SLC36A2: variants seen among roughly 807,000 people sequenced by gnomAD.
SLC36A2 encodes the protein solute carrier family 36 member 2.
Under a neutral mutation model 42.7 loss-of-function variants are expected in SLC36A2, and 39 were observed. The ratio of observed to expected loss-of-function variants is 0.91; its 90% confidence interval spans 0.71 to 1.19. The LOEUF is 1.19. SLC36A2 is among the 50% of genes most tolerant of loss of function. The probability of loss-of-function intolerance (pLI) is 0.00; values close to 1 mark genes in which losing one functional copy is unlikely to be tolerated. For missense variants in SLC36A2, 590 were observed against 613.7 expected, an observed-to-expected ratio of 0.96 and a Z score of 0.41; for synonymous variants, 237 against 240.8, an observed-to-expected ratio of 0.98 and a Z score of 0.15.
At chr5:151,346,960 A>G (rs186802217) in intron 1 of SLC36A2, among the ~76,000 whole-genome samples, 6 of 152,238 alleles carry the variant, frequency 3.9e-5, no homozygotes, top group South Asian at 2.1e-4. Context: ...TCTATCCCCA[A>G]TCTTAACATC....
intron 9 of SLC36A2, among the ~76,000 whole-genome samples, chr5:151,319,972 T>G (rs1025136869): frequency 6.6e-6 from 1 of 152,198 alleles, no homozygotes; most frequent in Non-Finnish European, 1.5e-5. Flanking sequence ...ATCTATAGAT[T>G]TTCTTTTTAC....
intron 7 of SLC36A2, among the ~76,000 whole-genome samples, chr5:151,330,886 T>C (rs753629649): frequency 5.9e-5 from 9 of 152,106 alleles, no homozygotes; most frequent in Non-Finnish European, 1.2e-4. Flanking sequence ...AAAAGTACTA[T>C]AGAAAAAGAT....
At chr5:151,325,586 C>T (rs971990385) in intron 7 of SLC36A2, 134 bp from the exon 8 acceptor site, 14 of 959,980 alleles carry the variant, frequency 1.5e-5, no homozygotes, top group Admixed American at 4.0e-5. Context: ...CTTATGTTCA[C>T]AGTAGTGCTA....
At chr5:151,344,954 T>C (rs532236275) in intron 1 of SLC36A2, among the ~76,000 whole-genome samples, 1 of 152,210 alleles carries the variant, frequency 6.6e-6, no homozygotes. Context: ...CATTCAGGGA[T>C]TGGGCTCCAG....
intron 1 of SLC36A2, among the ~76,000 whole-genome samples, chr5:151,344,661 C>G (rs1312087488): frequency 6.6e-6 from 1 of 152,178 alleles, no homozygotes; most frequent in Admixed American, 6.5e-5. Context: ...AGATTTAACA[C>G]AGTGCTGCTT....
Position 151,342,430 on chromosome 5 carries a change from C to T in SLC36A2, c.440+458G>A, listed in dbSNP as rs566189399. On this transcript the variant is annotated intron_variant, in intron 4 of 9. Transcript: ENST00000335244. ...ATCTCACCCGTTCCATCCTAGAAAG[C>T]CCTCCTCTCCCCCAAGCCAACACAC... is the stretch of plus-strand genomic sequence containing the variant. Among the ~76,000 whole-genome samples, 183 of 152,270 alleles carry T rather than the reference C, an allele frequency of 1.2e-3. 4 individuals are homozygous for T. Among genetic ancestry groups the T allele is most frequent in the South Asian group, 1.5e-3 (7 of 4,818 alleles).
intron 5 of SLC36A2, among the ~76,000 whole-genome samples, chr5:151,336,260 G>A (rs1036932509): frequency 6.6e-6 from 1 of 152,254 alleles, no homozygotes; most frequent in African/African-American, 2.4e-5. Context: ...GAATCTGAAT[G>A]TAAACCTAAA....
At chr5:151,321,104 T>G (rs1379102873) in intron 9 of SLC36A2, among the ~76,000 whole-genome samples, 1 of 152,178 alleles carries the variant, frequency 6.6e-6, no homozygotes, top group East Asian at 1.9e-4. Context: ...ACACAGTGCC[T>G]GGCACACAGT....
At chr5:151,324,008 C>T (rs1037908245) in intron 8 of SLC36A2, among the ~76,000 whole-genome samples, 2 of 152,184 alleles carry the variant, frequency 1.3e-5, no homozygotes, top group Non-Finnish European at 2.9e-5. Flanking sequence ...GAGAAAATCC[C>T]GCACAGTGGG....
chr5:151,329,021 G>A (rs1205595786), intron 7 of SLC36A2, among the ~76,000 whole-genome samples: 3 of 152,226 alleles, frequency 2.0e-5, no homozygotes, highest in Non-Finnish European at 2.9e-5. Context: ...AACCCACTGC[G>A]AGCTGGCGAG....
chr5:151,320,874 G>C (rs1211855536), intron 9 of SLC36A2, among the ~76,000 whole-genome samples: 1 of 152,212 alleles, frequency 6.6e-6, no homozygotes, highest in African/African-American at 2.4e-5. Flanking sequence ...TGCCAAATTA[G>C]AGTCCCATTT....
At chr5:151,324,396 C>G (rs1157798440) in intron 8 of SLC36A2, among the ~76,000 whole-genome samples, 2 of 150,628 alleles carry the variant, frequency 1.3e-5, no homozygotes, top group African/African-American at 4.9e-5. Context: ...TCAATGGCAC[C>G]ATCTTGGCTC....
Position 151,343,497 on chromosome 5 carries a change from C to T in SLC36A2, c.344+13G>A, listed in dbSNP as rs1312676608. On this transcript the variant is annotated intron_variant, in intron 3 of 9. Coordinates refer to ENST00000335244, the MANE Select transcript of SLC36A2 (RefSeq NM_181776.3). Reference sequence around the variant, plus strand: ...CACCAAAGGAATTGACACAAGGAGGCTGTTTTCCTCACCTCTTACAGAAGC... The same window carrying T: ...CACCAAAGGAATTGACACAAGGAGGTTGTTTTCCTCACCTCTTACAGAAGC... 1.9e-6 allele frequency: 3 copies of T among 1,613,346 alleles called. No individual in the cohort carries two copies. The highest frequency in any genetic ancestry group is 1.7e-6 in the Non-Finnish European group (2 of 1,179,368).
At chr5:151,336,127 T>G (rs1249746162) in intron 5 of SLC36A2, among the ~76,000 whole-genome samples, 3 of 152,228 alleles carry the variant, frequency 2.0e-5, no homozygotes, top group Non-Finnish European at 4.4e-5. Context: ...TGATACCAAT[T>G]TGATTTTGGT....
Position 151,322,159 on chromosome 5 carries a change from A to T in SLC36A2, c.1067T>A (p.Leu356Gln), listed in dbSNP as rs772578013. 9 of 1,614,174 alleles carry T rather than the reference A, an allele frequency of 5.6e-6. No individual in the cohort carries two copies. The South Asian group carries it at 9.9e-5, about 18-fold the overall frequency. The change falls in exon 9 of 10, where the codon CTG becomes CAG. Residue 356 changes from leucine (L) to glutamine (Q), a missense_variant. Physicochemically the swap from Leu to Gln is moderately radical, Grantham distance 113. Transcript: ENST00000335244. The stretch of plus-strand genomic sequence containing the variant: ...GATTTCTGCAGGGACGTAGAACTGC[A>T]GGGCATAGGTGCACAGGATGCCGGC... ...YIAGILCTYA[L>Q]QFYVPAEIII... is the part of the protein sequence containing the mutation.
At chr5:151,328,384 TC>T (rs1755905738) in intron 7 of SLC36A2, among the ~76,000 whole-genome samples, 1 of 152,202 alleles carries the variant, frequency 6.6e-6, no homozygotes, top group African/African-American at 2.4e-5. Context: ...TTCCCATACA[TC>T]CTAGTTTTTA....
In SLC36A2 at chr5:151,347,492, CAA is replaced by C; in HGVS notation, c.-34_-33del. 6.2e-7 allele frequency: 1 copy of C among 1,612,150 alleles called. No individual in the cohort carries two copies. The highest frequency in any genetic ancestry group is 8.5e-7 in the Non-Finnish European group (1 of 1,179,594). On this transcript the variant is annotated 5_prime_UTR_variant, in exon 1 of 10. Coordinates refer to ENST00000335244, the MANE Select transcript of SLC36A2 (RefSeq NM_181776.3). ...TTAAGAAACAAGGAGCTCGGGGTGA[CAA>C]AGAGGTCTGCTCTGGAAGGAGGGAA...
intron 5 of SLC36A2, 101 bp from the exon 6 acceptor site, chr5:151,335,648 T>TTTGATTA: frequency 1.1e-6 from 1 of 881,038 alleles, no homozygotes; most frequent in Non-Finnish European, 1.9e-6. Flanking sequence ...TCACAGTGAA[T>TTTGATTA]GGGAGTGTCC....
chr5:151,340,994 T>G (rs766397695), intron 4 of SLC36A2, among the ~76,000 whole-genome samples: 4 of 152,188 alleles, frequency 2.6e-5, no homozygotes, highest in Non-Finnish European at 5.9e-5. Context: ...TTTATTTACT[T>G]GCTTTATTAT....
Sources: allele counts gnomAD v4.1 joint callset (sites outside exome capture counted in the v4.1 genomes callset), GRCh38; gene constraint gnomAD v4.1.1; transcripts MANE v1.5; gene names NCBI Gene and HGNC (gene_info 2026-07-23, HGNC 2026-07-21).